The following DVL3 variants were observed in gnomAD, a reference collection of about 807,000 sequenced individuals.
DVL3 encodes the protein segment polarity protein dishevelled homolog DVL-3.
A neutral mutation model predicts 67.4 loss-of-function variants in DVL3; 27 were observed. The ratio of observed to expected loss-of-function variants is 0.40; its 90% confidence interval spans 0.30 to 0.55. The LOEUF is 0.55. Among genes scored for constraint, DVL3 ranks in the 20% least tolerant of loss-of-function variants. DVL3 has a pLI of 0.46. For synonymous variants in DVL3, 369 were observed against 396.8 expected (o/e 0.93, Z 0.83); for missense variants, 819 against 1,021.5 (o/e 0.80, Z 2.70).
At position 184,172,063 on chromosome 3, in the gene DVL3, AT is replaced by A. The variant is rs1714862534; in HGVS notation, c.*1309del. 6.6e-6 allele frequency: 1 copy of A among 152,558 alleles called. No homozygotes were observed. Among genetic ancestry groups the A allele is most frequent in the East Asian group, 1.9e-4 (1 of 5,194 alleles). 9.5% of individuals were successfully genotyped at this position (152,558 alleles called of 1,614,324 possible). A position where few individuals can be genotyped will look rare whatever the true frequency, so the allele number is the denominator to read the frequency against. On this transcript the variant is annotated 3_prime_UTR_variant, in exon 15 of 15. Transcript: ENST00000313143. ...GCATTTTCTCACCTGGATAAAGCCC[AT>A]AAGCTGGGTCTCAGGCTGGGCTCAG...
In DVL3 at chr3:184,164,809, T is replaced by G; in HGVS notation, c.477T>G (p.Asn159Lys). Residue 159 changes from asparagine (N) to lysine (K), a missense_variant, in exon 5 of 15, where the codon AAT (asparagine) becomes AAG (lysine). Coordinates refer to ENST00000313143, the MANE Select transcript of DVL3 (RefSeq NM_004423.4). The surrounding 1 kb of genome is among the most constrained non-coding windows in gnomAD (Gnocchi z 5.3). ...CATCCCCTGCAGCAACCCGGCTAAA[T>G]GGAACTGCGAAGGGGGAACGGCGGC... Reference protein sequence around the residue: ...RDGPEHATRLNGTAKGERRRE... With the variant: ...RDGPEHATRLKGTAKGERRRE... The G allele has an allele frequency of 6.2e-7, 1 of 1,614,108 alleles. No homozygotes were observed. The highest frequency in any genetic ancestry group is 8.5e-7 in the Non-Finnish European group (1 of 1,180,012).
At chr3:184,159,350 ACT>A (rs753906455) in intron 1 of DVL3, among the ~76,000 whole-genome samples, 1 of 89,136 alleles carries the variant, frequency 1.1e-5, no homozygotes, top group East Asian at 3.5e-4. Flanking sequence ...CTGTCATGGC[ACT>A]CTCTTATTTT....
Position 184,173,187 on chromosome 3 carries a change from G to A in DVL3, c.*2432G>A, listed in dbSNP as rs1166412405. 1 of 152,206 alleles carries A rather than the reference G, an allele frequency of 6.6e-6. No homozygotes were observed. The highest frequency in any genetic ancestry group is 6.6e-5 in the Admixed American group (1 of 15,266). The allele number at this position is 152,206 out of a possible 1,614,324, so 9.4% of individuals were successfully genotyped here. On this transcript the variant is annotated 3_prime_UTR_variant, in exon 15 of 15. Transcript: ENST00000313143. ...AGACTCAACTCATCTGCCCAACCAA[G>A]TATGTTCCTCCTGAATTCCTCTCCT... is the stretch of plus-strand genomic sequence containing the variant.
chr3:184,155,576 A>T lies in DVL3; in HGVS notation c.-60A>T. On this transcript the variant is annotated 5_prime_UTR_variant, in exon 1 of 15. Coordinates refer to ENST00000313143, the MANE Select transcript of DVL3 (RefSeq NM_004423.4). The surrounding 1 kb of genome is among the most constrained non-coding windows in gnomAD (Gnocchi z 5.4). ...GCGCCGCGCGCCGCCGCCGTCTGGG[A>T]GGCTCGGCCCGGCCGCCCGAGCAGG... 3.0e-6 allele frequency: 3 copies of T among 1,016,752 alleles called. No individual in the cohort carries two copies. Among genetic ancestry groups the T allele is most frequent in the Non-Finnish European group, 3.5e-6 (3 of 847,986 alleles). 63.0% of individuals were successfully genotyped at this position (1,016,752 alleles called of 1,614,324 possible).
chr3:184,171,357 G>T lies in DVL3; in HGVS notation c.*602G>T. ...TCCATGCCATCCCTGCCTGTGCCTA[G>T]ATCAGAGGCCCAGAGGGCCCCCTCA... On this transcript the variant is annotated 3_prime_UTR_variant, in exon 15 of 15. Transcript: ENST00000313143. The T allele has an allele frequency of 9.9e-7, 1 of 1,006,500 alleles. No homozygotes were observed. Among genetic ancestry groups the T allele is most frequent in the Non-Finnish European group, 1.2e-6 (1 of 844,044 alleles). The allele number at this position is 1,006,500 out of a possible 1,614,324, so 62.3% of individuals were successfully genotyped here.
chr3:184,170,666 G>C lies in DVL3; in HGVS notation c.2062G>C (p.Ala688Pro). 2 of 1,613,082 alleles carry C rather than the reference G, an allele frequency of 1.2e-6. No homozygotes were observed. ...PPGAPPGRDL[A>P]SVPPELTASR... ...AGGAGCCCCTCCGGGCCGCGACCTG[G>C]CCTCAGTGCCCCCGGAACTGACCGC... is the stretch of plus-strand genomic sequence containing the variant. Residue 688 changes from alanine to proline, a missense_variant, in exon 15 of 15, where the codon GCC becomes CCC. Ala to Pro is a conservative substitution (Grantham distance 27). Coordinates refer to ENST00000313143, the MANE Select transcript of DVL3 (RefSeq NM_004423.4). The surrounding 1 kb of genome is among the most constrained non-coding windows in gnomAD (Gnocchi z 6.5).
In DVL3 at chr3:184,170,297, C is replaced by A; in HGVS notation, c.1715-22C>A. 1.3e-6 allele frequency: 2 copies of A among 1,592,012 alleles called. No homozygotes were observed. The highest frequency in any genetic ancestry group is 1.7e-6 in the Non-Finnish European group (2 of 1,168,968). ...CCCGCCCGCTCAGCCTGCCCCACCCCGGCCCTGTTTGCCTCCTACAGGCAG... is the reference window on the plus strand; with the variant it reads ...CCCGCCCGCTCAGCCTGCCCCACCCAGGCCCTGTTTGCCTCCTACAGGCAG... On this transcript the variant is annotated intron_variant, in intron 14 of 14. Transcript: ENST00000313143. The surrounding 1 kb of genome is among the most constrained non-coding windows in gnomAD (Gnocchi z 6.5).
chr3:184,165,632 T>C lies in DVL3; in HGVS notation c.763+141T>C, dbSNP rs1442269105. Reference sequence around the variant, plus strand: ...CATCAGCTGATACATAAACTGATCATTTTAGTATCTCACCATCAGGGCTAT... The same window carrying C: ...CATCAGCTGATACATAAACTGATCACTTTAGTATCTCACCATCAGGGCTAT... On this transcript the variant is annotated intron_variant, in intron 7 of 14. Transcript: ENST00000313143. This position sits in a 1 kb window ranked among gnomAD's most constrained non-coding sequence, Gnocchi z 4.1. 8 of 707,080 alleles carry C rather than the reference T, an allele frequency of 1.1e-5. No homozygotes were observed. Among genetic ancestry groups the C allele is most frequent in the Non-Finnish European group, 2.0e-5 (8 of 408,440 alleles). 43.8% of individuals were successfully genotyped at this position (707,080 alleles called of 1,614,324 possible).
Position 184,166,901 on chromosome 3 carries a change from A to G in DVL3, c.1124A>G (p.Tyr375Cys). The part of the protein sequence containing the change: ...TAAMTGTFPA[Y>C]GMSPSLSTIT... Reference sequence around the variant, plus strand: ...GCCATGACCGGCACCTTCCCTGCATACGGCATGAGCCCCTCCCTGAGCACC... The same window carrying G: ...GCCATGACCGGCACCTTCCCTGCATGCGGCATGAGCCCCTCCCTGAGCACC... The change falls in exon 11 of 15, where the codon TAC becomes TGC. Residue 375 changes from tyrosine (Y) to cysteine (C), a missense_variant. Coordinates refer to ENST00000313143, the MANE Select transcript of DVL3 (RefSeq NM_004423.4). The surrounding 1 kb of genome is among the most constrained non-coding windows in gnomAD (Gnocchi z 6.7). The G allele has an allele frequency of 6.2e-7, 1 of 1,613,978 alleles. No individual in the cohort carries two copies. The highest frequency in any genetic ancestry group is 8.5e-7 in the Non-Finnish European group (1 of 1,179,998).
chr3:184,166,078 C>T lies in DVL3; in HGVS notation c.764-48C>T, dbSNP rs766137677. ...TCCATTTTCTAATGGGCTGGGAATGCGGGTAGGAACCTTGCTCCCCCTTAA... is the reference window on the plus strand; with the variant it reads ...TCCATTTTCTAATGGGCTGGGAATGTGGGTAGGAACCTTGCTCCCCCTTAA... On this transcript the variant is annotated intron_variant, in intron 7 of 14. Transcript: ENST00000313143. This position sits in a 1 kb window ranked among gnomAD's most constrained non-coding sequence, Gnocchi z 6.7. 36 of 1,593,634 alleles carry T rather than the reference C, an allele frequency of 2.3e-5. No individual in the cohort carries two copies. Among genetic ancestry groups the T allele is most frequent in the African/African-American group, 2.7e-5 (2 of 73,554 alleles).
At position 184,171,360 on chromosome 3, in the gene DVL3, C is replaced by T; in HGVS notation, c.*605C>T. On this transcript the variant is annotated 3_prime_UTR_variant, in exon 15 of 15. Coordinates refer to ENST00000313143, the MANE Select transcript of DVL3 (RefSeq NM_004423.4). ...ATGCCATCCCTGCCTGTGCCTAGAT[C>T]AGAGGCCCAGAGGGCCCCCTCAGTT... 1 of 1,003,096 alleles carries T rather than the reference C, an allele frequency of 1.0e-6. No homozygotes were observed. The highest frequency in any genetic ancestry group is 1.2e-6 in the Non-Finnish European group (1 of 841,880). The allele number at this position is 1,003,096 out of a possible 1,614,324, so 62.1% of individuals were successfully genotyped here.
Position 184,166,005 on chromosome 3 carries a change from C to T in DVL3, c.764-121C>T. ...GAAGCATGTTTGAGCATGCTGAGTG[C>T]AGTGCCTGATTCAGGATCAGCAAAT... On this transcript the variant is annotated intron_variant, in intron 7 of 14. Coordinates refer to ENST00000313143, the MANE Select transcript of DVL3 (RefSeq NM_004423.4). This position sits in a 1 kb window ranked among gnomAD's most constrained non-coding sequence, Gnocchi z 6.7. 1 of 1,204,960 alleles carries T rather than the reference C, an allele frequency of 8.3e-7. No homozygotes were observed. The highest frequency in any genetic ancestry group is 1.2e-6 in the Non-Finnish European group (1 of 852,202). The allele number at this position is 1,204,960 out of a possible 1,614,324, so 74.6% of individuals were successfully genotyped here.
rs746794439 is a variant in DVL3 at position 184,170,296 on chromosome 3, C to T, written c.1715-23C>T. On this transcript the variant is annotated intron_variant, in intron 14 of 14. Coordinates refer to ENST00000313143, the MANE Select transcript of DVL3 (RefSeq NM_004423.4). This position sits in a 1 kb window ranked among gnomAD's most constrained non-coding sequence, Gnocchi z 6.5. ...CCCCGCCCGCTCAGCCTGCCCCACC[C>T]CGGCCCTGTTTGCCTCCTACAGGCA... is the stretch of plus-strand genomic sequence containing the variant. The T allele has an allele frequency of 1.9e-6, 3 of 1,592,212 alleles. No homozygotes were observed. The highest frequency in any genetic ancestry group is 2.6e-6 in the Non-Finnish European group (3 of 1,169,016).
intron 1 of DVL3, among the ~76,000 whole-genome samples, chr3:184,161,231 A>G (rs1342709880): frequency 6.6e-6 from 1 of 152,206 alleles, no homozygotes; most frequent in Non-Finnish European, 1.5e-5. Context: ...GTTCAAGACC[A>G]CCCTGGCCAA....
In DVL3 at chr3:184,167,837, G is replaced by A. The variant is rs1714653224; in HGVS notation, c.1331-61G>A. 6.2e-7 allele frequency: 1 copy of A among 1,611,916 alleles called. No homozygotes were observed. Among genetic ancestry groups the A allele is most frequent in the Admixed American group, 1.7e-5 (1 of 59,770 alleles). ...AGCCAGCCCCAGCCTCATAGCTTCT[G>A]TGAGGCCAGATGAGTCCAAGTCAGA... On this transcript the variant is annotated intron_variant, in intron 12 of 14. Coordinates refer to ENST00000313143, the MANE Select transcript of DVL3 (RefSeq NM_004423.4). The surrounding 1 kb of genome is among the most constrained non-coding windows in gnomAD (Gnocchi z 4.6).
Position 184,164,314 on chromosome 3 carries a change from T to G in DVL3, c.279T>G (p.Ala93=), listed in dbSNP as rs779764964. ...ACCCAGACCCAGCCCCCTTCTGTGC[T>G]GATAACCCATCGGAGCTGCCACCAC... The part of the protein sequence containing the change: ...GSHPDPAPFC[A]DNPSELPPPM... The change falls in exon 3 of 15, where the codon GCT becomes GCG. Residue 93 remains alanine (A), a synonymous_variant. Transcript: ENST00000313143. This position sits in a 1 kb window ranked among gnomAD's most constrained non-coding sequence, Gnocchi z 5.3. The G allele has an allele frequency of 7.4e-5, 120 of 1,614,046 alleles. 1 individual carries two copies. The highest frequency in any genetic ancestry group is 3.3e-4 in the Middle Eastern group (2 of 6,084).
intron 1 of DVL3, among the ~76,000 whole-genome samples, chr3:184,160,335 T>C (rs1714338983): frequency 6.6e-6 from 1 of 152,132 alleles, no homozygotes; most frequent in Admixed American, 6.6e-5. Flanking sequence ...TAGTTAGAAA[T>C]AGTGTATGGA....
In DVL3 at chr3:184,166,002, G is replaced by C. The variant is rs1714569340; in HGVS notation, c.764-124G>C. 1.7e-6 allele frequency: 2 copies of C among 1,183,200 alleles called. No individual in the cohort carries two copies. Among genetic ancestry groups the C allele is most frequent in the South Asian group, 2.8e-5 (2 of 72,522 alleles). 73.3% of individuals were successfully genotyped at this position (1,183,200 alleles called of 1,614,324 possible). A position where few individuals can be genotyped will look rare whatever the true frequency, so the allele number is the denominator to read the frequency against. ...ATGGAAGCATGTTTGAGCATGCTGA[G>C]TGCAGTGCCTGATTCAGGATCAGCA... On this transcript the variant is annotated intron_variant, in intron 7 of 14. Transcript: ENST00000313143. This position sits in a 1 kb window ranked among gnomAD's most constrained non-coding sequence, Gnocchi z 6.7.
intron 1 of DVL3, among the ~76,000 whole-genome samples, chr3:184,156,622 C>G (rs1714199689): frequency 6.6e-6 from 1 of 152,208 alleles, no homozygotes; most frequent in Non-Finnish European, 1.5e-5. Context: ...TCTGGACAGG[C>G]ACAGTTTGGA....
Sources: allele counts gnomAD v4.1 joint callset (sites outside exome capture counted in the v4.1 genomes callset), GRCh38; gene constraint gnomAD v4.1.1; non-coding constraint Gnocchi (gnomAD v3.1); transcripts MANE v1.5; gene names NCBI Gene and HGNC (gene_info 2026-07-23, HGNC 2026-07-21).